PIAS1: variants seen among roughly 807,000 people sequenced by gnomAD.
The protein encoded by PIAS1 is E3 SUMO-protein ligase PIAS1.
PIAS1 carries 6 observed loss-of-function variants against 71.3 expected under a neutral mutation model. The ratio of observed to expected loss-of-function variants is 0.08; its 90% confidence interval spans 0.05 to 0.17. PIAS1 has a LOEUF of 0.17. PIAS1 is among the 10% of genes least tolerant of loss of function. The pLI, the probability that PIAS1 is intolerant of heterozygous loss-of-function variation, is 1.00. For synonymous variants in PIAS1, 303 were observed against 292.9 expected (o/e 1.03, Z -0.35); for missense variants, 555 against 793.6 (o/e 0.70, Z 3.61).
At chr15:68,067,291 C>G (rs1043506276) in intron 1 of PIAS1, among the ~76,000 whole-genome samples, 1 of 152,020 alleles carries the variant, frequency 6.6e-6, no homozygotes, top group Non-Finnish European at 1.5e-5. Flanking sequence ...TACCTTGCCC[C>G]CTGTGTTTTT....
At chr15:68,163,835 T>C (rs1481256274) in intron 7 of PIAS1, among the ~76,000 whole-genome samples, 1 of 152,204 alleles carries the variant, frequency 6.6e-6, no homozygotes, top group Non-Finnish European at 1.5e-5. Context: ...ATATAGACTT[T>C]AAAGTTATTA....
chr15:68,177,498 C>A (rs1455596543), intron 11 of PIAS1, among the ~76,000 whole-genome samples: 1 of 152,122 alleles, frequency 6.6e-6, no homozygotes, highest in Non-Finnish European at 1.5e-5. Flanking sequence ...ACTTCTGTTG[C>A]AGCACACAAC....
chr15:68,105,945 C>T (rs963049542), intron 2 of PIAS1, among the ~76,000 whole-genome samples: 1 of 152,100 alleles, frequency 6.6e-6, no homozygotes. Flanking sequence ...TAGGCACATT[C>T]TTTCTTTTTA....
intron 1 of PIAS1, among the ~76,000 whole-genome samples, chr15:68,062,551 T>G (rs1358781662): frequency 1.3e-5 from 2 of 152,256 alleles, no homozygotes; most frequent in Non-Finnish European, 2.9e-5. Flanking sequence ...CTCTTAGCCC[T>G]AGGCGACTGA....
intron 6 of PIAS1, among the ~76,000 whole-genome samples, chr15:68,151,876 T>TAAAC (rs1274575560): frequency 1.4e-5 from 2 of 144,246 alleles, no homozygotes; most frequent in African/African-American, 5.1e-5. Flanking sequence ...AATAAATAAA[T>TAAAC]AAACAAATAA....
intron 2 of PIAS1, among the ~76,000 whole-genome samples, chr15:68,113,002 A>C (rs1039138817): frequency 6.6e-6 from 1 of 152,224 alleles, no homozygotes; most frequent in African/African-American, 2.4e-5. Flanking sequence ...CTACATCTAT[A>C]TGGTAGAATA....
chr15:68,125,072 A>C (rs982150309), intron 2 of PIAS1, among the ~76,000 whole-genome samples: 1 of 152,196 alleles, frequency 6.6e-6, no homozygotes, highest in Non-Finnish European at 1.5e-5. Context: ...CTATGTAAAC[A>C]CTATTTGTAA....
chr15:68,070,913 G>A (rs1433548187), intron 1 of PIAS1, among the ~76,000 whole-genome samples: 2 of 152,100 alleles, frequency 1.3e-5, no homozygotes, highest in Non-Finnish European at 2.9e-5. Context: ...GAGCCACTGT[G>A]CCTGGCCTTT....
rs1424465902 is a variant in PIAS1 at position 68,086,649 on chromosome 15, C to T, written c.368C>T (p.Pro123Leu). 3 of 1,612,998 alleles carry T rather than the reference C, an allele frequency of 1.9e-6. No homozygotes were observed. The South Asian group carries it at 3.3e-5, about 18-fold the overall frequency. Residue 123 changes from proline to leucine, a missense_variant, in exon 2 of 14, where the codon CCA becomes CTA. Pro to Leu is a moderately conservative substitution (Grantham distance 98, BLOSUM62 -3). Around this residue, in one of 5 missense-constraint regions of PIAS1, gnomAD observed 134 missense variants for 203.4 expected, o/e 0.66. Transcript: ENST00000249636. This position sits in a 1 kb window ranked among gnomAD's most constrained non-coding sequence, Gnocchi z 7.2. ...GGACCTAAACATGAACTGGAACTCC[C>T]ACATCTTACATCAGCTCTTCACCCA... Reference protein sequence around the residue: ...LLGPKHELELPHLTSALHPVH... With the variant: ...LLGPKHELELLHLTSALHPVH...
chr15:68,099,402 T>G (rs2092404509), intron 2 of PIAS1, among the ~76,000 whole-genome samples: 1 of 151,898 alleles, frequency 6.6e-6, no homozygotes, highest in Non-Finnish European at 1.5e-5. Context: ...TGTGATTGTC[T>G]TTTGAGTTTT....
chr15:68,065,068 T>C (rs180732285), intron 1 of PIAS1, among the ~76,000 whole-genome samples: 1 of 152,124 alleles, frequency 6.6e-6, no homozygotes, highest in South Asian at 2.1e-4. Context: ...ATGACAAATC[T>C]TTTAAAGTTT....
intron 1 of PIAS1, among the ~76,000 whole-genome samples, chr15:68,059,076 C>T (rs1166801515): frequency 6.8e-6 from 1 of 146,994 alleles, no homozygotes; most frequent in African/African-American, 2.5e-5. Flanking sequence ...GCGATCTCGG[C>T]GCACTGCAAG....
Position 68,173,030 on chromosome 15 carries a change from C to G in PIAS1, c.1009-702C>G, listed in dbSNP as rs1353270855. On this transcript the variant is annotated intron_variant, in intron 8 of 13. Transcript: ENST00000249636. This position sits in a 1 kb window ranked among gnomAD's most constrained non-coding sequence, Gnocchi z 4.3. ...TGCCAAACATCATGGGGAATGATCA[C>G]TATTGATTCAGTTTTGTCCTGTGAA... Among the ~76,000 whole-genome samples, 1 of 152,210 alleles carries G rather than the reference C, an allele frequency of 6.6e-6. No homozygotes were observed. Among genetic ancestry groups the G allele is most frequent in the African/African-American group, 2.4e-5 (1 of 41,446 alleles).
In PIAS1 at chr15:68,054,456, A is replaced by T; in HGVS notation, c.24+106A>T. On this transcript the variant is annotated intron_variant, in intron 1 of 13. Coordinates refer to ENST00000249636, the MANE Select transcript of PIAS1 (RefSeq NM_016166.3). This position sits in a 1 kb window ranked among gnomAD's most constrained non-coding sequence, Gnocchi z 4.6. ...TGGGGGGCCTCTCGGGCCTGACTCC[A>T]CCCGGGCCTGGAGTTGTAGGGAGAG... The T allele has an allele frequency of 8.0e-7, 1 of 1,251,654 alleles. No homozygotes were observed. 77.5% of individuals were successfully genotyped at this position (1,251,654 alleles called of 1,614,324 possible).
At chr15:68,143,906 C>T (rs2141049995) in intron 4 of PIAS1, among the ~76,000 whole-genome samples, 1 of 151,944 alleles carries the variant, frequency 6.6e-6, no homozygotes, top group East Asian at 1.9e-4. Context: ...AAGACAGGGT[C>T]CCAAGACTAA....
In PIAS1 at chr15:68,181,210, A is replaced by G. The variant is rs2093051763; in HGVS notation, c.1482-2A>G. On this transcript the variant is annotated splice_acceptor_variant, in intron 11 of 13. Transcript: ENST00000249636. LOFTEE classifies it high-confidence loss of function. The stretch of plus-strand genomic sequence containing the variant: ...AACTATGCCAATCTTTCCTTCTTCC[A>G]GCATTTTAAGTCTTCCACATCAAGC... The G allele has an allele frequency of 6.2e-7, 1 of 1,612,602 alleles. No homozygotes were observed. The highest frequency in any genetic ancestry group is 1.7e-5 in the Admixed American group (1 of 59,852).
At chr15:68,063,203 A>G (rs2091980175) in intron 1 of PIAS1, among the ~76,000 whole-genome samples, 3 of 152,178 alleles carry the variant, frequency 2.0e-5, no homozygotes, top group African/African-American at 4.8e-5. Flanking sequence ...TTCATTTTGT[A>G]TTTGGGTTTC....
At position 68,185,336 on chromosome 15, in the gene PIAS1, GA is replaced by G. The variant is rs1185655052; in HGVS notation, c.1662+1671del. On this transcript the variant is annotated intron_variant, in intron 13 of 13. Coordinates refer to ENST00000249636, the MANE Select transcript of PIAS1 (RefSeq NM_016166.3). This position sits in a 1 kb window ranked among gnomAD's most constrained non-coding sequence, Gnocchi z 4.4. ...GGACTGATGTCACCAAGGAGTATGT[GA>G]ATGACATCTAGAAGACACTGAAGAA... is the stretch of plus-strand genomic sequence containing the variant. Among the ~76,000 whole-genome samples the G allele has an allele frequency of 6.6e-6, 1 of 152,142 alleles. No individual in the cohort carries two copies. Among genetic ancestry groups the G allele is most frequent in the Non-Finnish European group, 1.5e-5 (1 of 68,044 alleles).
intron 2 of PIAS1, among the ~76,000 whole-genome samples, chr15:68,118,073 T>C (rs2092580456): frequency 6.6e-6 from 1 of 152,154 alleles, no homozygotes; most frequent in Admixed American, 6.5e-5. Context: ...ACGCCTGTAA[T>C]CCCAGCACTT....
Sources: gnomAD v4.1 joint callset for allele counts (sites outside exome capture counted in the v4.1 genomes callset) on GRCh38, gnomAD v4.1.1 for gene constraint, gnomAD v4.1.1 regional missense constraint, Gnocchi (gnomAD v3.1) non-coding constraint, MANE v1.5 for transcripts, NCBI Gene and HGNC (gene_info 2026-07-23, HGNC 2026-07-21) for gene names.